Variants in NME7 observed in about 807,000 individuals in gnomAD.
NME7 encodes the protein nucleoside diphosphate kinase 7.
A neutral mutation model predicts 49.1 loss-of-function variants in NME7; 41 were observed. The ratio of observed to expected loss-of-function variants is 0.83; its 90% CI spans 0.65 to 1.08. The LOEUF (loss-of-function observed/expected upper bound fraction) is 1.08, where lower values mean the gene tolerates loss of function less well. NME7 is among the 50% of genes least tolerant of loss of function. NME7 has a pLI of 0.00. For missense variants in NME7, 423 were observed against 463.4 expected (o/e 0.91, Z 0.80); for synonymous variants, 139 against 150.6 (o/e 0.92, Z 0.56).
At chr1:169,346,653 G>A (rs189126904) in intron 1 of NME7, among the ~76,000 whole-genome samples, 16 of 152,230 alleles carry the variant, frequency 1.1e-4, no homozygotes, top group African/African-American at 3.9e-4. Flanking sequence ...TACTTCATAT[G>A]TTTATTGCTT....
intron 1 of NME7, among the ~76,000 whole-genome samples, chr1:169,342,754 T>C (rs182862398): frequency 7.0e-5 from 3 of 43,046 alleles, no homozygotes; most frequent in African/African-American, 1.2e-4. Flanking sequence ...TACATATATA[T>C]AGTATATATA....
chr1:169,361,155 T>A (rs1653638929), intron 1 of NME7, among the ~76,000 whole-genome samples: 1 of 152,062 alleles, frequency 6.6e-6, no homozygotes, highest in Non-Finnish European at 1.5e-5. Context: ...GAAGAATAAC[T>A]GGTGAATGAG....
At chr1:169,173,159 T>C (rs1049827622) in intron 10 of NME7, among the ~76,000 whole-genome samples, 2 of 152,212 alleles carry the variant, frequency 1.3e-5, no homozygotes, top group African/African-American at 2.4e-5. Flanking sequence ...AACCTCTCTA[T>C]GCCTGCTTTA....
At chr1:169,298,985 T>C (rs768515699) in intron 5 of NME7, among the ~76,000 whole-genome samples, 2 of 152,158 alleles carry the variant, frequency 1.3e-5, no homozygotes, top group African/African-American at 4.8e-5. Flanking sequence ...AATGTCAAAT[T>C]ACTGTTACCA....
At chr1:169,163,148 G>A (rs920780967) in intron 11 of NME7, among the ~76,000 whole-genome samples, 3 of 152,114 alleles carry the variant, frequency 2.0e-5, no homozygotes, top group Non-Finnish European at 4.4e-5. Flanking sequence ...AGGAAGCAAG[G>A]AGAAAGTAAA....
chr1:169,200,248 G>T (rs57721082), intron 10 of NME7, among the ~76,000 whole-genome samples: 1 of 151,978 alleles, frequency 6.6e-6, no homozygotes, highest in Non-Finnish European at 1.5e-5. Context: ...GGAAACATCC[G>T]GGAGGGCTTT....
intron 7 of NME7, among the ~76,000 whole-genome samples, chr1:169,251,577 T>A (rs1245301665): frequency 2.0e-5 from 3 of 147,402 alleles, no homozygotes; most frequent in African/African-American, 7.5e-5. Context: ...TTTTTTATTA[T>A]ACTTTAAGTT....
At chr1:169,164,255 C>T (rs1047405749) in intron 11 of NME7, among the ~76,000 whole-genome samples, 2 of 151,954 alleles carry the variant, frequency 1.3e-5, no homozygotes, top group East Asian at 1.9e-4. Context: ...ACTTTTTCAC[C>T]GAGTGCAAAA....
intron 11 of NME7, among the ~76,000 whole-genome samples, chr1:169,156,528 AAATT>A (rs1182865110): frequency 1.3e-5 from 2 of 152,232 alleles, no homozygotes; most frequent in Non-Finnish European, 2.9e-5. Context: ...TATACAAAAT[AAATT>A]AATCTAAAAT....
intron 7 of NME7, among the ~76,000 whole-genome samples, chr1:169,253,353 G>A (rs1326775314): frequency 6.7e-6 from 1 of 150,070 alleles, no homozygotes; most frequent in Non-Finnish European, 1.5e-5. Context: ...TCATGATTTG[G>A]CTCTCTGTTT....
intron 1 of NME7, among the ~76,000 whole-genome samples, chr1:169,356,909 G>C (rs542710146): frequency 1.3e-5 from 2 of 152,264 alleles, no homozygotes; most frequent in African/African-American, 4.8e-5. Context: ...AAAAATTGCA[G>C]AGAAAAAGCA....
At chr1:169,201,524 G>A (rs900739748) in intron 10 of NME7, among the ~76,000 whole-genome samples, 1 of 152,108 alleles carries the variant, frequency 6.6e-6, no homozygotes, top group African/African-American at 2.4e-5. Context: ...TAAGGTAGGG[G>A]AACTGGAAAT....
intron 1 of NME7, among the ~76,000 whole-genome samples, chr1:169,342,917 A>G (rs1389065146): frequency 8.6e-6 from 1 of 116,384 alleles, no homozygotes; most frequent in Non-Finnish European, 1.7e-5. Context: ...TATAGTGTAT[A>G]TATATATATA....
At chr1:169,253,905 G>T (rs1397936090) in intron 7 of NME7, among the ~76,000 whole-genome samples, 1 of 150,264 alleles carries the variant, frequency 6.7e-6, no homozygotes, top group Non-Finnish European at 1.5e-5. Flanking sequence ...GCATCCCAGG[G>T]ATGAAGCCCA....
intron 7 of NME7, among the ~76,000 whole-genome samples, chr1:169,271,581 G>A (rs1649493764): frequency 7.5e-6 from 1 of 132,752 alleles, no homozygotes; most frequent in African/African-American, 2.5e-5. Context: ...CCCTTGCAGA[G>A]TCTACTAAGG....
At chr1:169,366,522 G>A (rs1425318518) in intron 1 of NME7, among the ~76,000 whole-genome samples, 1 of 152,060 alleles carries the variant, frequency 6.6e-6, no homozygotes, top group Non-Finnish European at 1.5e-5. Context: ...AAACTGGAGA[G>A]GAAAAGGCTG....
intron 10 of NME7, among the ~76,000 whole-genome samples, chr1:169,219,277 TAAA>T (rs1299175380): frequency 6.6e-6 from 1 of 151,996 alleles, no homozygotes; most frequent in East Asian, 1.9e-4. Context: ...TTTGGAAAAA[TAAA>T]AAAATTGTAC....
At chr1:169,217,804 G>A (rs1268664403) in intron 10 of NME7, among the ~76,000 whole-genome samples, 1 of 152,096 alleles carries the variant, frequency 6.6e-6, no homozygotes, top group East Asian at 1.9e-4. Flanking sequence ...GCCTTTTTGT[G>A]CTGGTTGCGG....
At chr1:169,334,089 A>C (rs981287647) in intron 1 of NME7, among the ~76,000 whole-genome samples, 4 of 152,350 alleles carry the variant, frequency 2.6e-5, no homozygotes, top group South Asian at 2.1e-4. Flanking sequence ...ATAATGCATG[A>C]TGGAGAAATA....
Sources: gnomAD v4.1 joint callset for allele counts (sites outside exome capture counted in the v4.1 genomes callset) on GRCh38, gnomAD v4.1.1 for gene constraint, MANE v1.5 for transcripts, NCBI Gene and HGNC (gene_info 2026-07-23, HGNC 2026-07-21) for gene names.